The following DZIP3 variants were observed in gnomAD, a reference collection of about 807,000 sequenced individuals.
DZIP3 encodes the protein E3 ubiquitin-protein ligase DZIP3.
DZIP3 carries 118 observed loss-of-function variants against 162.0 expected under a neutral mutation model. That is an observed-to-expected ratio of 0.73 (90% CI 0.63 to 0.85). The LOEUF is 0.85. DZIP3 is among the 40% of genes least tolerant of loss of function. The probability of loss-of-function intolerance (pLI) is 0.00; values close to 1 mark genes in which losing one functional copy is unlikely to be tolerated. For missense variants in DZIP3, 1,331 were observed against 1,407.0 expected (o/e 0.95, Z 0.86); for synonymous variants, 438 against 458.6 (o/e 0.96, Z 0.57).
At chr3:108,658,834 A>C (rs1204887493) in intron 19 of DZIP3, among the ~76,000 whole-genome samples, 1 of 152,184 alleles carries the variant, frequency 6.6e-6, no homozygotes, top group Admixed American at 6.5e-5. Flanking sequence ...ACAGAAATAC[A>C]AACTACCATC....
At chr3:108,661,766 A>T in intron 19 of DZIP3, 111 bp from the exon 20 acceptor site, 1 of 737,704 alleles carries the variant, frequency 1.4e-6, no homozygotes, top group South Asian at 2.0e-5. Flanking sequence ...TGAGTGTTTG[A>T]CTTGAGACAA....
At chr3:108,613,772 C>A (rs751138785) in intron 4 of DZIP3, among the ~76,000 whole-genome samples, 3 of 152,076 alleles carry the variant, frequency 2.0e-5, no homozygotes, top group Non-Finnish European at 4.4e-5. Context: ...TTCAGAGTAT[C>A]AAAATATACA....
At chr3:108,689,037 ACT>A in intron 31 of DZIP3, 113 bp downstream of exon 31, 2 of 1,035,232 alleles carry the variant, frequency 1.9e-6, no homozygotes, top group Non-Finnish European at 2.9e-6. Flanking sequence ...ACTGGATATA[ACT>A]CTGAGCTTTT....
chr3:108,609,062 T>A (rs1452927668), intron 3 of DZIP3, among the ~76,000 whole-genome samples: 2 of 152,022 alleles, frequency 1.3e-5, no homozygotes, highest in African/African-American at 4.8e-5. Context: ...CAACAAGATC[T>A]TGTGGGAACT....
chr3:108,598,240 C>T (rs866025283), intron 1 of DZIP3, among the ~76,000 whole-genome samples: 4 of 152,182 alleles, frequency 2.6e-5, no homozygotes, highest in Middle Eastern at 3.4e-3. Context: ...AATAGAATTG[C>T]AGTTGGTAAA....
intron 12 of DZIP3, among the ~76,000 whole-genome samples, chr3:108,638,654 AC>A (rs1416372960): frequency 6.6e-6 from 1 of 151,846 alleles, no homozygotes; most frequent in Non-Finnish European, 1.5e-5. Flanking sequence ...TCCTATTTCT[AC>A]CCTGTCTCTA....
intron 7 of DZIP3, among the ~76,000 whole-genome samples, chr3:108,627,281 C>T (rs1941630548): frequency 6.6e-6 from 1 of 152,204 alleles, no homozygotes; most frequent in African/African-American, 2.4e-5. Context: ...TTTTCCAGAT[C>T]ATTGACACTA....
At chr3:108,597,700 A>C (rs1001387298) in intron 1 of DZIP3, among the ~76,000 whole-genome samples, 5 of 152,186 alleles carry the variant, frequency 3.3e-5, no homozygotes, top group African/African-American at 1.2e-4. Flanking sequence ...AGAGTACAGT[A>C]TGCACACCTC....
At chr3:108,595,804 A>G (rs1397776601) in intron 1 of DZIP3, among the ~76,000 whole-genome samples, 2 of 152,238 alleles carry the variant, frequency 1.3e-5, no homozygotes, top group Non-Finnish European at 2.9e-5. Flanking sequence ...TTTGCAGAAT[A>G]CTAAGTTTTG....
rs759295036 is a variant in DZIP3, at chr3:108,634,939, C to G, written c.885C>G (p.Phe295Leu). 10 of 1,608,668 alleles carry G rather than the reference C, an allele frequency of 6.2e-6. No individual in the cohort carries two copies. The South Asian group carries it at 8.8e-5, about 14-fold the overall frequency. ...VYFHKICWKK[F>L]KNLKYPGEND... ...TCCATAAAATTTGCTGGAAAAAGTT[C>G]AAGAATTTAAAGTATCCAGGTGAAA... Residue 295 changes from phenylalanine (F) to leucine (L), a missense_variant, in exon 10 of 33, where the codon TTC becomes TTG. Phe to Leu is a conservative substitution (Grantham distance 22). Around this residue, in one of 2 missense-constraint regions of DZIP3, gnomAD observed 1,278 missense variants for 1,317.1 expected, o/e 0.97. Transcript: ENST00000361582.
rs145751737 is a variant in DZIP3, at chr3:108,593,407, G to A, written c.-73+3568G>A. On this transcript the variant is annotated intron_variant, in intron 1 of 32. Transcript: ENST00000361582. ...CTTTGCTTCAGGTTTTGATTTGCTG[G>A]TATTTTATTCAGGATTTTATTATAT... Among the ~76,000 whole-genome samples the A allele has an allele frequency of 6.5e-4, 99 of 152,036 alleles. 1 individual carries two copies. The highest frequency in any genetic ancestry group is 2.2e-3 in the African/African-American group (91 of 41,356).
At chr3:108,602,153 G>A (rs556568362) in intron 1 of DZIP3, among the ~76,000 whole-genome samples, 8 of 152,220 alleles carry the variant, frequency 5.3e-5, no homozygotes, top group Middle Eastern at 3.4e-3. Context: ...TACAGTTTAG[G>A]AAGGTGATAG....
chr3:108,626,479 G>T (rs191180211), intron 7 of DZIP3, among the ~76,000 whole-genome samples: 18 of 152,148 alleles, frequency 1.2e-4, no homozygotes, highest in African/African-American at 4.3e-4. Flanking sequence ...AGTTGAAAAG[G>T]GTCCAAATGC....
intron 31 of DZIP3, among the ~76,000 whole-genome samples, chr3:108,689,408 G>T (rs1944611221): frequency 6.6e-6 from 1 of 152,314 alleles, no homozygotes; most frequent in East Asian, 1.9e-4. Flanking sequence ...AAAATGTGAG[G>T]CATGGTGGCT....
At chr3:108,664,505 A>G (rs1943586506) in intron 21 of DZIP3, among the ~76,000 whole-genome samples, 1 of 152,262 alleles carries the variant, frequency 6.6e-6, no homozygotes, top group African/African-American at 2.4e-5. Flanking sequence ...AGTGTGGTCC[A>G]GCTGAAAGCT....
chr3:108,594,471 A>T (rs1295914457), intron 1 of DZIP3, among the ~76,000 whole-genome samples: 1 of 121,226 alleles, frequency 8.2e-6, no homozygotes, highest in Non-Finnish European at 1.6e-5. Context: ...AGTTTGGGGT[A>T]CATGTGCAGG....
At position 108,691,118 on chromosome 3, in the gene DZIP3, C is replaced by CTCTTA. The variant is rs146595603; in HGVS notation, c.*6+216_*6+220dup. ...AATTTTAATAGTTACACTATATATG[C>CTCTTA]TCTTAGTAGGTTTTTTTCTTGTAGT... On this transcript the variant is annotated intron_variant, in intron 32 of 32. Transcript: ENST00000361582. The CTCTTA allele has an allele frequency of 9.2e-3, 3,568 of 389,414 alleles. 110 individuals are homozygous for CTCTTA. The highest frequency in any genetic ancestry group is 0.067 in the African/African-American group (3,251 of 48,690). 24.1% of individuals were successfully genotyped at this position (389,414 alleles called of 1,614,324 possible). A position where few individuals can be genotyped will look rare whatever the true frequency, so the allele number is the denominator to read the frequency against.
intron 14 of DZIP3, 60 bp downstream of exon 14, chr3:108,644,841 G>A: frequency 6.7e-7 from 1 of 1,502,858 alleles, no homozygotes; most frequent in Non-Finnish European, 9.0e-7. Context: ...TCTGCTCTGT[G>A]CCAGGCACAG....
At chr3:108,663,389 T>C (rs1943530273) in intron 21 of DZIP3, among the ~76,000 whole-genome samples, 1 of 151,946 alleles carries the variant, frequency 6.6e-6, no homozygotes, top group African/African-American at 2.4e-5. Context: ...AAACCCCATC[T>C]CTACTAAAAA....
Sources: gnomAD v4.1 joint callset for allele counts (sites outside exome capture counted in the v4.1 genomes callset) on GRCh38, gnomAD v4.1.1 for gene constraint, gnomAD v4.1.1 regional missense constraint, MANE v1.5 for transcripts, NCBI Gene and HGNC (gene_info 2026-07-23, HGNC 2026-07-21) for gene names.